The following EPHB1 variants were observed in gnomAD, a reference collection of about 807,000 sequenced individuals.
The protein encoded by EPHB1 is EPH receptor B1.
EPHB1 carries 30 observed loss-of-function variants against 94.4 expected under a neutral mutation model. The observed-to-expected ratio is 0.32, with a 90% CI of 0.24 to 0.43. The LOEUF (loss-of-function observed/expected upper bound fraction) is 0.43, where lower values mean the gene tolerates loss of function less well. Among genes scored for constraint, EPHB1 ranks in the 20% least tolerant of loss-of-function variants. The probability of loss-of-function intolerance (pLI) is 1.00; values close to 1 mark genes in which losing one functional copy is unlikely to be tolerated. For synonymous variants in EPHB1, 522 were observed against 489.1 expected (o/e 1.07, Z -0.89); for missense variants, 1,055 against 1,308.3 (o/e 0.81, Z 2.99).
chr3:135,243,182 A>G (rs1943835886), intron 13 of EPHB1, among the ~76,000 whole-genome samples: 1 of 152,218 alleles, frequency 6.6e-6, no homozygotes. Flanking sequence ...TACAGAATGA[A>G]TTACAAAACT....
intron 3 of EPHB1, among the ~76,000 whole-genome samples, chr3:134,978,300 A>G (rs573770790): frequency 2.0e-5 from 3 of 152,190 alleles, no homozygotes; most frequent in African/African-American, 2.4e-5. Context: ...CATCTTCCAC[A>G]TGGTTGCTCC....
chr3:135,177,358 C>T (rs1016412604), intron 9 of EPHB1, among the ~76,000 whole-genome samples: 1 of 152,210 alleles, frequency 6.6e-6, no homozygotes, highest in Non-Finnish European at 1.5e-5. Flanking sequence ...GCATCTGTTG[C>T]TGCCAGTCGC....
chr3:135,257,327 T>C (rs1341226633), intron 15 of EPHB1, among the ~76,000 whole-genome samples: 1 of 152,180 alleles, frequency 6.6e-6, no homozygotes, highest in Non-Finnish European at 1.5e-5. Flanking sequence ...TCTGTTCTGT[T>C]TTTTCCCCAT....
intron 1 of EPHB1, among the ~76,000 whole-genome samples, chr3:134,877,405 G>A (rs2037638629): frequency 6.6e-6 from 1 of 152,200 alleles, no homozygotes; most frequent in Admixed American, 6.5e-5. Flanking sequence ...CCCCACAGCA[G>A]GGTCAGCCCT....
chr3:134,816,178 G>A (rs1330141735), intron 1 of EPHB1, among the ~76,000 whole-genome samples: 1 of 150,166 alleles, frequency 6.7e-6, no homozygotes, highest in Non-Finnish European at 1.5e-5. Context: ...CACGTCTTGG[G>A]TTCAAGCGAT....
At chr3:134,874,552 T>G (rs1267804939) in intron 1 of EPHB1, among the ~76,000 whole-genome samples, 1 of 152,204 alleles carries the variant, frequency 6.6e-6, no homozygotes, top group African/African-American at 2.4e-5. Context: ...CGGCAACAGA[T>G]TCTAAAAACA....
At chr3:134,817,672 C>A (rs1303241155) in intron 1 of EPHB1, among the ~76,000 whole-genome samples, 1 of 152,238 alleles carries the variant, frequency 6.6e-6, no homozygotes, top group Non-Finnish European at 1.5e-5. Flanking sequence ...CAACCTCTTT[C>A]TCTTTGAGCT....
intron 3 of EPHB1, among the ~76,000 whole-genome samples, chr3:135,068,340 A>G (rs1047051933): frequency 2.0e-5 from 3 of 152,110 alleles, no homozygotes; most frequent in Non-Finnish European, 2.9e-5. Context: ...ACTTGTTAAT[A>G]TCTGTCTTTT....
intron 1 of EPHB1, among the ~76,000 whole-genome samples, chr3:134,827,613 T>C: frequency 6.6e-6 from 1 of 152,144 alleles, no homozygotes; most frequent in Non-Finnish European, 1.5e-5. Flanking sequence ...GTCCTGAGGG[T>C]CATTCTGAAT....
chr3:135,072,569 C>G (rs142736332), intron 3 of EPHB1, among the ~76,000 whole-genome samples: 2 of 152,150 alleles, frequency 1.3e-5, no homozygotes, highest in African/African-American at 4.8e-5. Context: ...GACTTCCCGC[C>G]GATCCCCACC....
intron 3 of EPHB1, among the ~76,000 whole-genome samples, chr3:135,070,797 A>AAGTTAAGTGTTGAG: frequency 6.6e-6 from 1 of 152,160 alleles, no homozygotes; most frequent in Admixed American, 6.5e-5. Context: ...TGCATTCCTA[A>AAGTTAAGTGTTGAG]AGTTAAGTGT....
intron 3 of EPHB1, among the ~76,000 whole-genome samples, chr3:135,030,412 TC>T (rs1401279329): frequency 3.3e-5 from 5 of 152,202 alleles, no homozygotes. Flanking sequence ...GGTGTGGATG[TC>T]CTTTCTGTTT....
chr3:135,123,073 G>A (rs530994114), intron 4 of EPHB1, among the ~76,000 whole-genome samples: 12 of 152,278 alleles, frequency 7.9e-5, no homozygotes, highest in Admixed American at 5.9e-4. Flanking sequence ...AAAATGCTTT[G>A]CATCACAGCT....
At chr3:135,175,224 C>G (rs1941943417) in intron 9 of EPHB1, among the ~76,000 whole-genome samples, 1 of 152,220 alleles carries the variant, frequency 6.6e-6, no homozygotes, top group African/African-American at 2.4e-5. Flanking sequence ...ACAACATCCC[C>G]AGAGACATGT....
In EPHB1 at chr3:134,795,444, C is replaced by T. The variant is rs1415152990; in HGVS notation, c.-188C>T. 2 of 581,010 alleles carry T rather than the reference C, an allele frequency of 3.4e-6. No individual in the cohort carries two copies. Among genetic ancestry groups the T allele is most frequent in the African/African-American group, 4.0e-5 (2 of 49,852 alleles). The allele number at this position is 581,010 out of a possible 1,614,324, so 36.0% of individuals were successfully genotyped here. On this transcript the variant is annotated 5_prime_UTR_variant, in exon 1 of 16. Coordinates refer to ENST00000398015, the MANE Select transcript of EPHB1 (RefSeq NM_004441.5). ...ACATGCACACCCACACCCACGCGCG[C>T]CCGCACCGCCCCACGCGCACACACT...
chr3:135,072,626 A>T (rs936322298), intron 3 of EPHB1, among the ~76,000 whole-genome samples: 2 of 152,098 alleles, frequency 1.3e-5, no homozygotes, highest in Non-Finnish European at 2.9e-5. Flanking sequence ...TCACTGCCTC[A>T]GGGCCTTTGC....
chr3:135,078,033 T>C (rs1938008236), intron 3 of EPHB1, among the ~76,000 whole-genome samples: 1 of 152,256 alleles, frequency 6.6e-6, no homozygotes. Flanking sequence ...CACTCCATTT[T>C]GCAGATGATG....
chr3:135,108,982 A>C (rs372926093), intron 4 of EPHB1, among the ~76,000 whole-genome samples: 1 of 152,184 alleles, frequency 6.6e-6, no homozygotes, highest in Non-Finnish European at 1.5e-5. Context: ...GGAGGGGGTC[A>C]TATGAAAAGA....
rs1419499793 is a variant in EPHB1, at chr3:135,053,023, G to GTATA, written c.806-53424_806-53423insATAT. On this transcript the variant is annotated intron_variant, in intron 3 of 15. Transcript: ENST00000398015. Reference sequence around the variant, plus strand: ...TGTGTGTGTATATATATGTGTGTGTGTGTGTATATATATATATATATATAT... The same window carrying GTATA: ...TGTGTGTGTATATATATGTGTGTGTGTATATGTGTATATATATATATATATATAT... 5.4e-3 allele frequency among the ~76,000 whole-genome samples: 368 copies of GTATA among 68,540 alleles called. 20 individuals are homozygous for GTATA. The highest frequency in any genetic ancestry group is 0.014 in the South Asian group (26 of 1,908). 45.0% of individuals were successfully genotyped at this position (68,540 alleles called of 152,430 possible). A position where few individuals can be genotyped will look rare whatever the true frequency, so the allele number is the denominator to read the frequency against.
Sources: gnomAD v4.1 joint callset for allele counts (sites outside exome capture counted in the v4.1 genomes callset) on GRCh38, gnomAD v4.1.1 for gene constraint, MANE v1.5 for transcripts, NCBI Gene and HGNC (gene_info 2026-07-23, HGNC 2026-07-21) for gene names.